PDE3A: variants seen among roughly 807,000 people sequenced by gnomAD.
PDE3A encodes the protein phosphodiesterase 3A, also known as cGMP-inhibited 3',5'-cyclic phosphodiesterase 3A.
In PDE3A, 43 loss-of-function variants were observed where a neutral mutation model predicts 98.3. The ratio of observed to expected loss-of-function variants is 0.44; its 90% CI spans 0.34 to 0.56. The LOEUF is 0.56. PDE3A is among the 20% of genes least tolerant of loss of function. The pLI is 0.01. For missense variants in PDE3A, 1,427 were observed against 1,440.7 expected, an observed-to-expected ratio of 0.99 and a Z score of 0.15; for synonymous variants, 663 against 567.9, an observed-to-expected ratio of 1.17 and a Z score of -2.38.
At chr12:20,400,691 T>A (rs1944114427) in intron 1 of PDE3A, among the ~76,000 whole-genome samples, 1 of 152,206 alleles carries the variant, frequency 6.6e-6, no homozygotes, top group Admixed American at 6.5e-5. Context: ...TTGCTGGGAT[T>A]ATAGGCGTGA....
intron 1 of PDE3A, chr12:20,450,027 G>C (rs972329006): frequency 3.1e-5 from 21 of 666,816 alleles, no homozygotes; most frequent in East Asian, 2.0e-4. Context: ...GGAAGTTACG[G>C]AAGTTTTTCA....
At chr12:20,670,311 T>C (rs1364060578) in intron 15 of PDE3A, among the ~76,000 whole-genome samples, 3 of 147,176 alleles carry the variant, frequency 2.0e-5, no homozygotes, top group South Asian at 2.2e-4. Flanking sequence ...TCAACAAGGA[T>C]ACCCAGGAAT....
intron 6 of PDE3A, among the ~76,000 whole-genome samples, chr12:20,632,297 A>G (rs1390029755): frequency 6.6e-6 from 1 of 152,220 alleles, no homozygotes; most frequent in African/African-American, 2.4e-5. Context: ...AAAGTTACTT[A>G]GTATGCAGAT....
intron 2 of PDE3A, chr12:20,571,956 C>T (rs1942810604): frequency 9.5e-7 from 1 of 1,050,576 alleles, no homozygotes; most frequent in South Asian, 2.9e-5. Context: ...GAAATTTGAG[C>T]ACACAGAACT....
chr12:20,411,385 A>G (rs1944329681), intron 1 of PDE3A, among the ~76,000 whole-genome samples: 1 of 152,206 alleles, frequency 6.6e-6, no homozygotes, highest in African/African-American at 2.4e-5. Flanking sequence ...TTTTAGAAGT[A>G]AAATAGGACA....
intron 14 of PDE3A, among the ~76,000 whole-genome samples, 195 bp downstream of exon 14, chr12:20,650,795 T>C (rs1944898307): frequency 7.0e-6 from 1 of 143,838 alleles, no homozygotes; most frequent in Non-Finnish European, 1.5e-5. Context: ...ATCATAGAAC[T>C]CTATGATAAA....
At chr12:20,531,804 A>G (rs1340497702) in intron 1 of PDE3A, among the ~76,000 whole-genome samples, 1 of 152,194 alleles carries the variant, frequency 6.6e-6, no homozygotes, top group Non-Finnish European at 1.5e-5. Context: ...GTACTTTCCA[A>G]AATACCTAAG....
intron 2 of PDE3A, among the ~76,000 whole-genome samples, chr12:20,559,912 A>G (rs1942471093): frequency 6.6e-6 from 1 of 152,194 alleles, no homozygotes; most frequent in African/African-American, 2.4e-5. Context: ...TAACTTCTGT[A>G]TAAATGCTTT....
In PDE3A at chr12:20,552,328, G is replaced by T; in HGVS notation, c.961-4332G>T. ...CTACAAGGTTGTGAAATACTGGCCC[G>T]AGAAGGGGAAGTCCGGGTTTCTCGT... On this transcript the variant is annotated intron_variant, in intron 1 of 15. Coordinates refer to ENST00000359062, the MANE Select transcript of PDE3A (RefSeq NM_000921.5). The surrounding 1 kb of genome is among the most constrained non-coding windows in gnomAD (Gnocchi z 5.1). 2 of 1,613,950 alleles carry T rather than the reference G, an allele frequency of 1.2e-6. No homozygotes were observed. The highest frequency in any genetic ancestry group is 1.7e-5 in the Admixed American group (1 of 60,020).
chr12:20,585,382 A>C (rs1943167426), intron 2 of PDE3A, among the ~76,000 whole-genome samples: 1 of 152,206 alleles, frequency 6.6e-6, no homozygotes, highest in Admixed American at 6.5e-5. Flanking sequence ...TTATTCTTGG[A>C]ATTTTCAAGA....
At chr12:20,453,540 G>A (rs1945103868) in intron 1 of PDE3A, among the ~76,000 whole-genome samples, 1 of 152,038 alleles carries the variant, frequency 6.6e-6, no homozygotes, top group Non-Finnish European at 1.5e-5. Context: ...CAAAAACAAT[G>A]GAAAGAGAGA....
intron 1 of PDE3A, among the ~76,000 whole-genome samples, chr12:20,536,246 A>G (rs971866874): frequency 6.6e-6 from 1 of 152,084 alleles, no homozygotes; most frequent in East Asian, 1.9e-4. Context: ...TCCCTACTCT[A>G]TTCCTCAATA....
Position 20,552,295 on chromosome 12 carries a change from G to T in PDE3A, c.961-4365G>T. The stretch of plus-strand genomic sequence containing the variant: ...CGCCCCCGCTGAGGGCAACCGCTAC[G>T]ATGGCATCTACAAGGTTGTGAAATA... On this transcript the variant is annotated intron_variant, in intron 1 of 15. Coordinates refer to ENST00000359062, the MANE Select transcript of PDE3A (RefSeq NM_000921.5). This position sits in a 1 kb window ranked among gnomAD's most constrained non-coding sequence, Gnocchi z 5.1. 6.2e-7 allele frequency: 1 copy of T among 1,613,928 alleles called. No homozygotes were observed. The highest frequency in any genetic ancestry group is 8.5e-7 in the Non-Finnish European group (1 of 1,179,880).
intron 1 of PDE3A, among the ~76,000 whole-genome samples, chr12:20,419,927 T>C (rs1471716827): frequency 2.0e-5 from 3 of 151,872 alleles, no homozygotes; most frequent in Admixed American, 1.3e-4. Context: ...TTAGTAGATA[T>C]GGGGTTTCAC....
chr12:20,501,795 A>C (rs1162819613), intron 1 of PDE3A, among the ~76,000 whole-genome samples: 1 of 152,180 alleles, frequency 6.6e-6, no homozygotes, highest in East Asian at 1.9e-4. Flanking sequence ...TTTTGAGAAC[A>C]AAGATAATAG....
In PDE3A at chr12:20,685,409, CAAAAAAAAAA is replaced by C. The variant is rs71442269; in HGVS notation, c.*5152_*5161del. Among the ~76,000 whole-genome samples the C allele has an allele frequency of 8.1e-5, 6 of 73,794 alleles. No homozygotes were observed. Among genetic ancestry groups the C allele is most frequent in the East Asian group, 7.7e-4 (2 of 2,600 alleles). The allele number at this position is 73,794 out of a possible 152,430, so 48.4% of individuals were successfully genotyped here. A position where few individuals can be genotyped will look rare whatever the true frequency, so the allele number is the denominator to read the frequency against. On this transcript the variant is annotated 3_prime_UTR_variant, in exon 16 of 16. Transcript: ENST00000359062. ...GGGCAACAGGAGTTAAATTTTGCCT[CAAAAAAAAAA>C]AAAAAAAAAAAAAGAACATTTTTTG...
chr12:20,577,031 A>G (rs11045313), intron 2 of PDE3A, among the ~76,000 whole-genome samples: 32,695 of 151,956 alleles, frequency 0.22, 3,634 homozygotes, highest in Middle Eastern at 0.29. Flanking sequence ...ATGCAATACC[A>G]CTGTATTAGA....
chr12:20,402,933 A>T (rs1039742163), intron 1 of PDE3A, among the ~76,000 whole-genome samples: 7 of 152,288 alleles, frequency 4.6e-5, no homozygotes, highest in African/African-American at 1.4e-4. Context: ...TAGGAAACAG[A>T]AAAGTCTTGT....
chr12:20,663,058 A>G (rs1303063875), intron 15 of PDE3A, among the ~76,000 whole-genome samples: 1 of 152,220 alleles, frequency 6.6e-6, no homozygotes, highest in Admixed American at 6.5e-5. Context: ...AAAGGGGCCA[A>G]TGTACAGCTC....
Sources: allele counts gnomAD v4.1 joint callset (sites outside exome capture counted in the v4.1 genomes callset), GRCh38; gene constraint gnomAD v4.1.1; non-coding constraint Gnocchi (gnomAD v3.1); transcripts MANE v1.5; gene names NCBI Gene and HGNC (gene_info 2026-07-23, HGNC 2026-07-21).